The following SH3GL2 variants were observed in gnomAD, a reference collection of about 807,000 sequenced individuals.
SH3GL2 encodes the protein endophilin-A1.
A neutral mutation model predicts 46.0 loss-of-function variants in SH3GL2; 24 were observed. The ratio of observed to expected loss-of-function variants is 0.52; its 90% CI spans 0.38 to 0.73. SH3GL2 has a LOEUF of 0.73. SH3GL2 is among the 30% of genes least tolerant of loss of function. SH3GL2 has a pLI of 0.00. For missense variants in SH3GL2, 413 were observed against 424.2 expected (o/e 0.97, Z 0.23); for synonymous variants, 196 against 147.1 (o/e 1.33, Z -2.40).
Position 17,780,003 on chromosome 9 carries a change from G to A in SH3GL2, c.188-6378G>A, listed in dbSNP as rs554113987. On this transcript the variant is annotated intron_variant, in intron 3 of 8. Transcript: ENST00000380607. ...TCAACCTTGGCTGCACATTAGAATC[G>A]CCTTTGGGATTTTAAAAACTGCCGT... Among the ~76,000 whole-genome samples, 5 of 152,232 alleles carry A rather than the reference G, an allele frequency of 3.3e-5. No individual in the cohort carries two copies. The South Asian group carries it at 1.0e-3, about 32-fold the overall frequency.
Position 17,601,731 on chromosome 9 carries a change from C to A in SH3GL2, c.45+22444C>A, listed in dbSNP as rs1354359121. On this transcript the variant is annotated intron_variant, in intron 1 of 8. Transcript: ENST00000380607. ...AGTTCTCTGGAATGCTTAAATAGAG[C>A]TGAAGTACGTTTTAGGTCATTTTGA... 2.6e-5 allele frequency among the ~76,000 whole-genome samples: 4 copies of A among 152,226 alleles called. No homozygotes were observed. The East Asian group carries it at 7.7e-4, about 29-fold the overall frequency.
intron 1 of SH3GL2, among the ~76,000 whole-genome samples, chr9:17,632,679 T>C (rs999145277): frequency 1.3e-5 from 2 of 152,036 alleles, no homozygotes. Flanking sequence ...AATAACATTC[T>C]GTTTTATACT....
At chr9:17,615,316 T>A (rs1001970436) in intron 1 of SH3GL2, among the ~76,000 whole-genome samples, 2 of 152,216 alleles carry the variant, frequency 1.3e-5, no homozygotes, top group African/African-American at 4.8e-5. Context: ...AATTGGGTAT[T>A]TAAGATGTAT....
chr9:17,736,986 A>G (rs896274988), intron 1 of SH3GL2, among the ~76,000 whole-genome samples: 7 of 152,156 alleles, frequency 4.6e-5, no homozygotes, highest in African/African-American at 1.7e-4. Flanking sequence ...GATAAAGAAA[A>G]TGTGGCACAT....
At chr9:17,648,010 AT>A in intron 1 of SH3GL2, among the ~76,000 whole-genome samples, 1 of 152,136 alleles carries the variant, frequency 6.6e-6, no homozygotes, top group Admixed American at 6.5e-5. Flanking sequence ...GTAAATATAT[AT>A]TCTCTTCCTT....
At chr9:17,745,604 TAAGAG>T (rs1377303302) in intron 1 of SH3GL2, among the ~76,000 whole-genome samples, 1 of 152,112 alleles carries the variant, frequency 6.6e-6, no homozygotes, top group Admixed American at 6.5e-5. Flanking sequence ...GTGGCTGTCC[TAAGAG>T]TGGTCTCTTC....
At chr9:17,640,500 A>G (rs1277016665) in intron 1 of SH3GL2, among the ~76,000 whole-genome samples, 2 of 152,208 alleles carry the variant, frequency 1.3e-5, no homozygotes, top group Non-Finnish European at 2.9e-5. Context: ...ATAATATTAA[A>G]GAAAACCAAC....
intron 1 of SH3GL2, among the ~76,000 whole-genome samples, chr9:17,645,456 G>A (rs977638988): frequency 6.6e-6 from 1 of 152,050 alleles, no homozygotes; most frequent in Non-Finnish European, 1.5e-5. Flanking sequence ...GATGAAGTTT[G>A]TTCATAATGT....
At chr9:17,675,806 G>T (rs954291472) in intron 1 of SH3GL2, among the ~76,000 whole-genome samples, 12 of 152,326 alleles carry the variant, frequency 7.9e-5, no homozygotes, top group African/African-American at 2.6e-4. Flanking sequence ...TTAGCTGGGT[G>T]TGGTGGCGGG....
intron 3 of SH3GL2, among the ~76,000 whole-genome samples, chr9:17,785,601 T>A (rs1409143792): frequency 2.0e-5 from 3 of 152,192 alleles, no homozygotes; most frequent in African/African-American, 7.2e-5. Flanking sequence ...CTGAGGAACC[T>A]AGGTATCCTA....
chr9:17,647,776 C>A (rs926337361), intron 1 of SH3GL2, among the ~76,000 whole-genome samples: 3 of 152,174 alleles, frequency 2.0e-5, no homozygotes, highest in African/African-American at 7.2e-5. Flanking sequence ...CTCAAAGAGG[C>A]ATCCTTTAAA....
intron 1 of SH3GL2, among the ~76,000 whole-genome samples, chr9:17,636,341 C>G (rs1041877269): frequency 6.6e-6 from 1 of 152,142 alleles, no homozygotes; most frequent in South Asian, 2.1e-4. Flanking sequence ...CCTGACCTGT[C>G]TGGAATTTCC....
chr9:17,770,354 T>A (rs188968940), intron 3 of SH3GL2, among the ~76,000 whole-genome samples: 1 of 152,330 alleles, frequency 6.6e-6, no homozygotes, highest in East Asian at 1.9e-4. Flanking sequence ...TTTATTCAGA[T>A]ATTACTATCT....
intron 1 of SH3GL2, among the ~76,000 whole-genome samples, chr9:17,584,794 A>C (rs1818342980): frequency 6.6e-6 from 1 of 152,188 alleles, no homozygotes; most frequent in African/African-American, 2.4e-5. Context: ...GGGGTATATG[A>C]AAAGAAAGTG....
chr9:17,716,136 T>A (rs1821751803), intron 1 of SH3GL2, among the ~76,000 whole-genome samples: 1 of 152,154 alleles, frequency 6.6e-6, no homozygotes, highest in Non-Finnish European at 1.5e-5. Flanking sequence ...ATAATTATTT[T>A]AATATCCTTG....
At chr9:17,583,848 A>G (rs10120378) in intron 1 of SH3GL2, among the ~76,000 whole-genome samples, 48,544 of 151,996 alleles carry the variant, frequency 0.32, 8,463 homozygotes, top group East Asian at 0.53. Context: ...ACCATTACAT[A>G]AGTCTTTTCA....
intron 1 of SH3GL2, among the ~76,000 whole-genome samples, chr9:17,630,122 G>A (rs1819385464): frequency 6.6e-6 from 1 of 152,140 alleles, no homozygotes; most frequent in African/African-American, 2.4e-5. Flanking sequence ...CTTTGTTCAT[G>A]TTCTTAGAAT....
chr9:17,686,933 G>A (rs1255869226), intron 1 of SH3GL2, among the ~76,000 whole-genome samples: 1 of 116,874 alleles, frequency 8.6e-6, no homozygotes, highest in Non-Finnish European at 1.7e-5. Context: ...AAAACTTAAA[G>A]TATAATTAAA....
At chr9:17,617,955 C>G (rs1819043978) in intron 1 of SH3GL2, among the ~76,000 whole-genome samples, 1 of 152,062 alleles carries the variant, frequency 6.6e-6, no homozygotes, top group Admixed American at 6.6e-5. Context: ...AAAAATCAAG[C>G]AGTTCATTTT....
Sources: allele counts gnomAD v4.1 joint callset (sites outside exome capture counted in the v4.1 genomes callset), GRCh38; gene constraint gnomAD v4.1.1; transcripts MANE v1.5; gene names NCBI Gene and HGNC (gene_info 2026-07-23, HGNC 2026-07-21).